Variants in DUSP4 observed in about 807,000 individuals in gnomAD.
The protein encoded by DUSP4 is dual specificity protein phosphatase 4.
In DUSP4, 12 loss-of-function variants were observed where a neutral mutation model predicts 27.2. The ratio of observed to expected loss-of-function variants is 0.44; its 90% CI spans 0.28 to 0.71. DUSP4 has a LOEUF of 0.71. DUSP4 is among the 30% of genes least tolerant of loss of function. DUSP4 has a pLI of 0.14. For synonymous variants in DUSP4, 257 were observed against 245.2 expected (o/e 1.05, Z -0.45); for missense variants, 448 against 551.3 (o/e 0.81, Z 1.88).
At chr8:29,346,938 C>G (rs575442278) in intron 1 of DUSP4, among the ~76,000 whole-genome samples, 1 of 152,302 alleles carries the variant, frequency 6.6e-6, no homozygotes, top group South Asian at 2.1e-4. Context: ...TTCTCCTAAC[C>G]CCTCCAAGAA....
chr8:29,337,468 G>A lies in DUSP4; in HGVS notation c.800-57C>T. 2 of 1,525,858 alleles carry A rather than the reference G, an allele frequency of 1.3e-6. No individual in the cohort carries two copies. Among genetic ancestry groups the A allele is most frequent in the Non-Finnish European group, 1.8e-6 (2 of 1,142,244 alleles). 94.5% of individuals were successfully genotyped at this position (1,525,858 alleles called of 1,614,324 possible). ...TTTCTGCAGACCCCAGCCCCGACCA[G>A]GGGCACCGGCCAGCCCCTGGGGTCG... is the stretch of plus-strand genomic sequence containing the variant. On this transcript the variant is annotated intron_variant, in intron 3 of 3. Coordinates refer to ENST00000240100, the MANE Select transcript of DUSP4 (RefSeq NM_001394.7). This position sits in a 1 kb window ranked among gnomAD's most constrained non-coding sequence, Gnocchi z 6.4.
intron 1 of DUSP4, among the ~76,000 whole-genome samples, chr8:29,346,264 G>C (rs1332821432): frequency 6.6e-6 from 1 of 152,110 alleles, no homozygotes; most frequent in Non-Finnish European, 1.5e-5. Context: ...AGGAGAAACT[G>C]GAATATCTAG....
rs139730619 is a variant in DUSP4 at position 29,347,575 on chromosome 8, G to A, written c.433+2271C>T. 3.7e-3 allele frequency among the ~76,000 whole-genome samples: 562 copies of A among 152,256 alleles called. 1 individual carries two copies. The highest frequency in any genetic ancestry group is 0.013 in the African/African-American group (546 of 41,536). On this transcript the variant is annotated intron_variant, in intron 1 of 3. Transcript: ENST00000240100. ...AGAAGCTGAACTTCTGGCTAGGAGG[G>A]GCTATTCTAGAAGAGACCGAAGCTA...
chr8:29,338,539 G>A, intron 2 of DUSP4, 38 bp from the exon 3 acceptor site: 1 of 1,592,070 alleles, frequency 6.3e-7, no homozygotes, highest in Admixed American at 1.7e-5. Flanking sequence ...TGAATGACAT[G>A]AGGGTAAAGT....
At chr8:29,342,001 A>G (rs1316221372) in intron 1 of DUSP4, among the ~76,000 whole-genome samples, 1 of 152,228 alleles carries the variant, frequency 6.6e-6, no homozygotes, top group African/African-American at 2.4e-5. Context: ...ATTAAAACAC[A>G]TTTTAAAACA....
rs767767045 is a variant in DUSP4, at chr8:29,338,472, G to C, written c.609C>G (p.Leu203=). ...CAGCATGGTAGGCACTGCCGAGGTAGAGGAAGGGAAGGATCTCCACAGGAC... is the reference window on the plus strand; with the variant it reads ...CAGCATGGTAGGCACTGCCGAGGTACAGGAAGGGAAGGATCTCCACAGGAC... ...QGGPVEILPF[L]YLGSAYHAAR... The change falls in exon 3 of 4, where the codon CTC becomes CTG. Residue 203 remains leucine (L), a synonymous_variant. Transcript: ENST00000240100. 7 of 1,613,940 alleles carry C rather than the reference G, an allele frequency of 4.3e-6. No homozygotes were observed. Among genetic ancestry groups the C allele is most frequent in the Non-Finnish European group, 5.9e-6 (7 of 1,180,026 alleles).
Position 29,345,118 on chromosome 8 carries a change from C to T in DUSP4, c.433+4728G>A, listed in dbSNP as rs534086180. On this transcript the variant is annotated intron_variant, in intron 1 of 3. Transcript: ENST00000240100. ...GATTGCAGGTGTGAGCCACCACACC[C>T]GGCCTTGGTCATGAATCTTAATGTG... 1.6e-3 allele frequency among the ~76,000 whole-genome samples: 243 copies of T among 152,272 alleles called. 1 individual carries two copies. The highest frequency in any genetic ancestry group is 5.6e-3 in the African/African-American group (233 of 41,542).
intron 1 of DUSP4, chr8:29,347,705 G>T: frequency 1.0e-6 from 1 of 973,890 alleles, no homozygotes; most frequent in Non-Finnish European, 1.2e-6. Context: ...GAGAGGCAGT[G>T]CAGGCTCCAG....
rs965211441 is a variant in DUSP4 at position 29,349,911 on chromosome 8, G to C, written c.368C>G (p.Thr123Ser). Reference sequence around the variant, plus strand: ...CAGCGCCTGCACCACCAGCGACACGGTGCTGTCCTCGCGGAGGCTCTCGGC... The same window carrying C: ...CAGCGCCTGCACCACCAGCGACACGCTGCTGTCCTCGCGGAGGCTCTCGGC... ...PRAESLREDSTVSLVVQALRR... is the reference protein window; with the variant it reads ...PRAESLREDSSVSLVVQALRR... The change falls in exon 1 of 4, where the codon ACC (threonine) becomes AGC (serine). Residue 123 changes from threonine to serine, a missense_variant. Physicochemically the swap from Thr to Ser is moderately conservative, Grantham distance 58. Coordinates refer to ENST00000240100, the MANE Select transcript of DUSP4 (RefSeq NM_001394.7). 6.3e-7 allele frequency: 1 copy of C among 1,587,136 alleles called. No individual in the cohort carries two copies. Among genetic ancestry groups the C allele is most frequent in the African/African-American group, 1.3e-5 (1 of 74,414 alleles).
In DUSP4 at chr8:29,333,977, C is replaced by T. The variant is rs959619901; in HGVS notation, c.*3049G>A. The T allele has an allele frequency of 6.6e-6, 1 of 152,304 alleles. No homozygotes were observed. Among genetic ancestry groups the T allele is most frequent in the African/African-American group, 2.4e-5 (1 of 41,460 alleles). 9.4% of individuals were successfully genotyped at this position (152,304 alleles called of 1,614,324 possible). Reference sequence around the variant, plus strand: ...TCTGGAATCCAGCGTGGATGAGCAACTGAACAAAATGGCTTTGGGAGGGAA... The same window carrying T: ...TCTGGAATCCAGCGTGGATGAGCAATTGAACAAAATGGCTTTGGGAGGGAA... On this transcript the variant is annotated 3_prime_UTR_variant, in exon 4 of 4. Coordinates refer to ENST00000240100, the MANE Select transcript of DUSP4 (RefSeq NM_001394.7).
At position 29,336,741 on chromosome 8, in the gene DUSP4, A is replaced by C. The variant is rs1434578745; in HGVS notation, c.*285T>G. ...TTACTGCTTAAAAAAATGAGGTAAG[A>C]AATTTCTATCGGAAAAGTGAAACTG... On this transcript the variant is annotated 3_prime_UTR_variant, in exon 4 of 4. Transcript: ENST00000240100. 1.4e-5 allele frequency: 5 copies of C among 369,162 alleles called. No homozygotes were observed. The highest frequency in any genetic ancestry group is 2.4e-5 in the Non-Finnish European group (5 of 207,524). The allele number at this position is 369,162 out of a possible 1,614,324, so 22.9% of individuals were successfully genotyped here. A position where few individuals can be genotyped will look rare whatever the true frequency, so the allele number is the denominator to read the frequency against.
At chr8:29,338,080 G>A (rs900829734) in intron 3 of DUSP4, among the ~76,000 whole-genome samples, 9 of 152,182 alleles carry the variant, frequency 5.9e-5, no homozygotes, top group Non-Finnish European at 1.0e-4. Flanking sequence ...GGCTCTGCAA[G>A]CTAAGCCTGT....
chr8:29,340,764 G>C (rs1455521589), intron 1 of DUSP4, among the ~76,000 whole-genome samples: 3 of 152,138 alleles, frequency 2.0e-5, no homozygotes, highest in Non-Finnish European at 4.4e-5. Context: ...ATGAATAGCT[G>C]TTCCGTCACC....
chr8:29,337,326 C>T lies in DUSP4; in HGVS notation c.885G>A (p.Leu295=). ...SRSATICLAY[L]MMKKRVRLEE... is the part of the protein sequence containing the mutation. ...CCAGCCTCACCCGTTTCTTCATCAT[C>T]AGGTAGGCCAGGCAGATGGTGGCCG... Residue 295 remains leucine (L), a synonymous_variant, in exon 4 of 4, where the codon CTG becomes CTA. Transcript: ENST00000240100. The surrounding 1 kb of genome is among the most constrained non-coding windows in gnomAD (Gnocchi z 6.4). 2 of 1,612,524 alleles carry T rather than the reference C, an allele frequency of 1.2e-6. No individual in the cohort carries two copies. The highest frequency in any genetic ancestry group is 1.7e-6 in the Non-Finnish European group (2 of 1,180,002).
Position 29,333,305 on chromosome 8 carries a change from A to G in DUSP4, c.*3721T>C, listed in dbSNP as rs767875944. On this transcript the variant is annotated 3_prime_UTR_variant, in exon 4 of 4. Coordinates refer to ENST00000240100, the MANE Select transcript of DUSP4 (RefSeq NM_001394.7). ...GAAGTCTCCTCCTTGAATAACTCAT[A>G]AACTCTAAGGGAGAGAGAGTACTGG... is the stretch of plus-strand genomic sequence containing the variant. 2 of 152,364 alleles carry G rather than the reference A, an allele frequency of 1.3e-5. No individual in the cohort carries two copies. The highest frequency in any genetic ancestry group is 4.1e-4 in the South Asian group (2 of 4,832). The allele number at this position is 152,364 out of a possible 1,614,324, so 9.4% of individuals were successfully genotyped here. A position where few individuals can be genotyped will look rare whatever the true frequency, so the allele number is the denominator to read the frequency against.
chr8:29,348,561 G>C, intron 1 of DUSP4: 1 of 985,596 alleles, frequency 1.0e-6, no homozygotes, highest in Non-Finnish European at 1.2e-6. Context: ...AGGTCAAATG[G>C]GCAGGAAACA....
rs937056494 is a variant in DUSP4 at position 29,333,432 on chromosome 8, T to C, written c.*3594A>G. 1 of 152,174 alleles carries C rather than the reference T, an allele frequency of 6.6e-6. No individual in the cohort carries two copies. The highest frequency in any genetic ancestry group is 1.5e-5 in the Non-Finnish European group (1 of 68,030). The allele number at this position is 152,174 out of a possible 1,614,324, so 9.4% of individuals were successfully genotyped here. On this transcript the variant is annotated 3_prime_UTR_variant, in exon 4 of 4. Transcript: ENST00000240100. ...TATCCAAACACCGTATTGAGTCCCT[T>C]AACAAGGCTCCACAGATCAGCTGGC...
intron 1 of DUSP4, among the ~76,000 whole-genome samples, chr8:29,341,978 C>T (rs1334132177): frequency 6.6e-6 from 1 of 152,220 alleles, no homozygotes; most frequent in Non-Finnish European, 1.5e-5. Context: ...TTGTCTATTA[C>T]ATAATTTGAG....
Position 29,341,419 on chromosome 8 carries a change from C to T in DUSP4, c.434-1176G>A, listed in dbSNP as rs138432371. Among the ~76,000 whole-genome samples the T allele has an allele frequency of 2.8e-3, 421 of 152,372 alleles. 2 individuals are homozygous for T. Among genetic ancestry groups the T allele is most frequent in the African/African-American group, 9.7e-3 (405 of 41,598 alleles). The stretch of plus-strand genomic sequence containing the variant: ...CGCCAAATCCCAACCCTAAAGACTG[C>T]TTCCTACTGAGAGGAAGGAAACGGT... On this transcript the variant is annotated intron_variant, in intron 1 of 3. Coordinates refer to ENST00000240100, the MANE Select transcript of DUSP4 (RefSeq NM_001394.7).
Sources: allele counts gnomAD v4.1 joint callset (sites outside exome capture counted in the v4.1 genomes callset), GRCh38; gene constraint gnomAD v4.1.1; non-coding constraint Gnocchi (gnomAD v3.1); transcripts MANE v1.5; gene names NCBI Gene and HGNC (gene_info 2026-07-23, HGNC 2026-07-21).